The following AKAP4 variants were observed in gnomAD, a reference collection of about 807,000 sequenced individuals.
AKAP4 encodes the protein A-kinase anchoring protein 4.
Under a neutral mutation model 42.6 loss-of-function variants are expected in AKAP4, and 4 were observed. That is an observed-to-expected ratio of 0.09 (90% CI 0.05 to 0.22). AKAP4 has a LOEUF of 0.22. Among genes scored for constraint, AKAP4 ranks in the 10% least tolerant of loss-of-function variants. AKAP4 has a pLI of 1.00. For synonymous variants in AKAP4, 223 were observed against 233.0 expected, an observed-to-expected ratio of 0.96 and a Z score of 0.39; for missense variants, 551 against 630.7, an observed-to-expected ratio of 0.87 and a Z score of 1.35.
At chrX:50,192,105 T>C (rs782158515) in intron 5 of AKAP4, among the ~76,000 whole-genome samples, 199 bp downstream of exon 5, 100 of 111,506 alleles carry the variant, frequency 9.0e-4, no homozygotes, top group African/African-American at 3.2e-3. Context: ...CTCCTCTTGG[T>C]GGAAATGCAC....
chrX:50,192,234 C>G, intron 5 of AKAP4, 70 bp downstream of exon 5: 3 of 934,739 alleles, frequency 3.2e-6, no homozygotes, highest in Non-Finnish European at 4.3e-6. Context: ...ATCTTGGGCT[C>G]TAAGTACAAT....
At position 50,193,679 on chromosome X, in the gene AKAP4, A is replaced by G; in HGVS notation, c.1034T>C (p.Met345Thr). 1 of 1,211,861 alleles carries G rather than the reference A, an allele frequency of 8.3e-7. No homozygotes were observed. The highest frequency in any genetic ancestry group is 1.1e-6 in the Non-Finnish European group (1 of 895,546). The stretch of plus-strand genomic sequence containing the variant: ...TTTCAAGGTCTTCATGAGAGAGACC[A>G]TCATGTCAGATGCCACCTGATTTGC... ...VYANQVASDMMVSLMKTLKVH... is the reference protein window; with the variant it reads ...VYANQVASDMTVSLMKTLKVH... The change falls in exon 5 of 6, where the codon ATG becomes ACG. Residue 345 changes from methionine to threonine, a missense_variant. Met to Thr is a moderately conservative substitution (Grantham distance 81, BLOSUM62 -1). Coordinates refer to ENST00000358526, the MANE Select transcript of AKAP4 (RefSeq NM_003886.3).
At chrX:50,196,811 C>T (rs782661882) in intron 4 of AKAP4, 80 bp downstream of exon 4, 4 of 704,744 alleles carry the variant, frequency 5.7e-6, no homozygotes, top group Non-Finnish European at 6.7e-6. Context: ...AAGTGTCTTA[C>T]CATGTCTGAT....
Position 50,192,436 on chromosome X carries a change from T to G in AKAP4, c.2277A>C (p.Val759=). The change falls in exon 5 of 6, where the codon GTA becomes GTC. Residue 759 remains valine (V), a synonymous_variant. Coordinates refer to ENST00000358526, the MANE Select transcript of AKAP4 (RefSeq NM_003886.3). ...QNYQDSLGHE[V]IVNNQCSTNS... is the part of the protein sequence containing the mutation. ...TTGTAGAGCACTGATTATTGACAAT[T>G]ACTTCATGTCCAAGAGAGTCTTGAT... 1 of 1,207,191 alleles carries G rather than the reference T, an allele frequency of 8.3e-7. No individual in the cohort carries two copies. The highest frequency in any genetic ancestry group is 1.8e-5 in the South Asian group (1 of 56,132).
Position 50,190,998 on chromosome X carries a change from T to G in AKAP4, c.2527A>C (p.Arg843=). 1 of 1,211,280 alleles carries G rather than the reference T, an allele frequency of 8.3e-7. No homozygotes were observed. The highest frequency in any genetic ancestry group is 1.8e-5 in the South Asian group (1 of 56,920). The change falls in exon 6 of 6, where the codon AGG becomes CGG. Residue 843 remains arginine (R), a synonymous_variant. Coordinates refer to ENST00000358526, the MANE Select transcript of AKAP4 (RefSeq NM_003886.3). ...QPDEAVGKVA[R]KQLLDWLLAN... The stretch of plus-strand genomic sequence containing the variant: ...AGCAGCCAGTCCAGCAACTGTTTCC[T>G]GGCCACCTTTCCCACAGCTTCATCT...
Position 50,192,789 on chromosome X carries a change from G to C in AKAP4, c.1924C>G (p.Pro642Ala), listed in dbSNP as rs1935129988. 8.3e-7 allele frequency: 1 copy of C among 1,209,641 alleles called. No individual in the cohort carries two copies. Among genetic ancestry groups the C allele is most frequent in the African/African-American group, 1.8e-5 (1 of 57,048 alleles). Residue 642 changes from proline (P) to alanine (A), a missense_variant, in exon 5 of 6, where the codon CCC becomes GCC. Coordinates refer to ENST00000358526, the MANE Select transcript of AKAP4 (RefSeq NM_003886.3). ...TCGCATGGATCCTCACATTTGAAGG[G>C]GTTCTCATTAAGCAGTTTCTGAATC... The part of the protein sequence containing the change: ...MLIQKLLNEN[P>A]FKCEDPCEGE...
In AKAP4 at chrX:50,192,319, A is replaced by G; in HGVS notation, c.2394T>C (p.Asp798=). Residue 798 remains aspartate, a synonymous_variant, in exon 5 of 6, where the codon GAT becomes GAC. Transcript: ENST00000358526. ...CATTACTTACCTTTTCCAGTTGTCC[A>G]TCCTTATCTCCCATGAAGTAGAGCA... The part of the protein sequence containing the change: ...VPMLYFMGDK[D]GQLEKLPQVS... 1 of 1,195,227 alleles carries G rather than the reference A, an allele frequency of 8.4e-7. No individual in the cohort carries two copies. Among genetic ancestry groups the G allele is most frequent in the Non-Finnish European group, 1.1e-6 (1 of 888,283 alleles).
intron 5 of AKAP4, 146 bp from the exon 6 acceptor site, chrX:50,191,261 G>A (rs1935105367): frequency 3.4e-6 from 2 of 586,559 alleles, no homozygotes; most frequent in Non-Finnish European, 5.2e-6. Context: ...TAGGATTAGG[G>A]TACAGCATGT....
chrX:50,200,106 C>T (rs1311216086), intron 1 of AKAP4: 1 of 443,570 alleles, frequency 2.3e-6, no homozygotes, highest in Non-Finnish European at 2.8e-6. Flanking sequence ...TTTCCAAGAG[C>T]TACATAGGGA....
chrX:50,191,619 G>GGTGTGTGTGTGT (rs34737063), intron 5 of AKAP4, among the ~76,000 whole-genome samples: 66 of 85,780 alleles, frequency 7.7e-4, no homozygotes, highest in African/African-American at 2.7e-3. Flanking sequence ...CTGTCAGATA[G>GGTGTGTGTGTGT]GTGTGTGTGT....
At position 50,194,394 on chromosome X, in the gene AKAP4, G is replaced by A. The variant is rs139891326; in HGVS notation, c.319C>T (p.Pro107Ser). The A allele has an allele frequency of 3.3e-6, 4 of 1,204,868 alleles. No homozygotes were observed. The Admixed American group carries it at 8.9e-5, about 27-fold the overall frequency. ...VCLFKQAPSD[P>S]VSVLNWLLSD... ...AGAAGCCAGTTGAGGACACTTACAG[G>A]ATCAGAGGGAGCTTGTTTGAAAAGG... The change falls in exon 5 of 6, where the codon CCT (proline) becomes TCT (serine). Residue 107 changes from proline to serine, a missense_variant. Physicochemically the swap from Pro to Ser is moderately conservative, Grantham distance 74. Coordinates refer to ENST00000358526, the MANE Select transcript of AKAP4 (RefSeq NM_003886.3).
At chrX:50,192,241 C>T in intron 5 of AKAP4, 63 bp downstream of exon 5, 1 of 975,963 alleles carries the variant, frequency 1.0e-6, no homozygotes, top group East Asian at 3.3e-5. Flanking sequence ...GCTCTAAGTA[C>T]AATGCTGCCT....
intron 4 of AKAP4, 134 bp from the exon 5 acceptor site, chrX:50,194,570 C>T (rs1462425731): frequency 4.3e-6 from 2 of 467,890 alleles, no homozygotes; most frequent in Admixed American, 4.5e-5. Context: ...CAGTTATATC[C>T]ATTAGTACAC....
Position 50,190,876 on chromosome X carries a change from G to A in AKAP4, c.*84C>T. The A allele has an allele frequency of 8.9e-7, 1 of 1,129,113 alleles. No homozygotes were observed. The allele number at this position is 1,129,113 out of a possible 1,213,427, so 93.1% of individuals were successfully genotyped here. On this transcript the variant is annotated 3_prime_UTR_variant, in exon 6 of 6. Coordinates refer to ENST00000358526, the MANE Select transcript of AKAP4 (RefSeq NM_003886.3). ...GGGAAATACAGTTGTGTATTGTGCA[G>A]TTGACTGGCCTGATGGTGGGGGTGC...
chrX:50,193,999 C>A lies in AKAP4; in HGVS notation c.714G>T (p.Glu238Asp), dbSNP rs1935155466. Reference sequence around the variant, plus strand: ...GGCATTTGCTTTTACCTTCCAACTTCTCCTTGATTTCCTTATGGGCCATCT... The same window carrying A: ...GGCATTTGCTTTTACCTTCCAACTTATCCTTGATTTCCTTATGGGCCATCT... ...VIQMAHKEIK[E>D]KLEGKSKCLH... The change falls in exon 5 of 6, where the codon GAG becomes GAT. Residue 238 changes from glutamate (E) to aspartate (D), a missense_variant. Transcript: ENST00000358526. 2 of 1,209,646 alleles carry A rather than the reference C, an allele frequency of 1.7e-6. No individual in the cohort carries two copies. Among genetic ancestry groups the A allele is most frequent in the African/African-American group, 3.5e-5 (2 of 57,048 alleles).
Position 50,193,380 on chromosome X carries a change from T to C in AKAP4, c.1333A>G (p.Ser445Gly), listed in dbSNP as rs782091014. The change falls in exon 5 of 6, where the codon AGT (serine) becomes GGT (glycine). Residue 445 changes from serine (S) to glycine (G), a missense_variant. Transcript: ENST00000358526. ...GCTTTTAAAGATGCATATGACAGAC[T>C]CTGAGACTTAGTCTCCTTCTCCTCA... ...IGEEKETKSQSLSYASLKAGS... is the reference protein window; with the variant it reads ...IGEEKETKSQGLSYASLKAGS... 1.7e-6 allele frequency: 2 copies of C among 1,211,669 alleles called. No individual in the cohort carries two copies. The highest frequency in any genetic ancestry group is 2.2e-6 in the Non-Finnish European group (2 of 895,447).
chrX:50,197,521 G>T, intron 3 of AKAP4, 23 bp downstream of exon 3: 1 of 1,178,630 alleles, frequency 8.5e-7, no homozygotes, highest in South Asian at 1.9e-5. Flanking sequence ...CACCGATTCT[G>T]ACTCTGAGCA....
chrX:50,190,781 TA>T lies in AKAP4; in HGVS notation c.*178del, dbSNP rs781867674. 4.6e-4 allele frequency: 191 copies of T among 419,764 alleles called. 1 individual carries two copies. In the South Asian group the frequency reaches 5.0e-3, roughly 11 times the overall value. The allele number at this position is 419,764 out of a possible 1,213,427, so 34.6% of individuals were successfully genotyped here. On this transcript the variant is annotated 3_prime_UTR_variant, in exon 6 of 6. Coordinates refer to ENST00000358526, the MANE Select transcript of AKAP4 (RefSeq NM_003886.3). ...CAAAAAACAATGACACATTTATTATTATTTTTTTTTATTTTATTTCCCAGTT... is the reference window on the plus strand; with the variant it reads ...CAAAAAACAATGACACATTTATTATTTTTTTTTTTATTTTATTTCCCAGTT...
intron 1 of AKAP4, 74 bp from the exon 2 acceptor site, chrX:50,198,826 T>C: frequency 3.8e-6 from 3 of 786,625 alleles, no homozygotes; most frequent in Non-Finnish European, 5.6e-6. Context: ...TGGATAAGAA[T>C]CTCTGGAGGG....
Sources: allele counts gnomAD v4.1 joint callset (sites outside exome capture counted in the v4.1 genomes callset), GRCh38; gene constraint gnomAD v4.1.1; transcripts MANE v1.5; gene names NCBI Gene and HGNC (gene_info 2026-07-23, HGNC 2026-07-21).